The following SLC16A1 variants were observed in gnomAD, a reference collection of about 807,000 sequenced individuals.
The protein encoded by SLC16A1 is monocarboxylate transporter 1.
In SLC16A1, 11 loss-of-function variants were observed where a neutral mutation model predicts 32.2. The ratio of observed to expected loss-of-function variants is 0.34; its 90% confidence interval spans 0.21 to 0.56. SLC16A1 has a LOEUF of 0.56. Among genes scored for constraint, SLC16A1 ranks in the 20% least tolerant of loss-of-function variants. SLC16A1 has a pLI of 0.87. For synonymous variants in SLC16A1, 231 were observed against 226.8 expected (o/e 1.02, Z -0.17); for missense variants, 435 against 615.0 (o/e 0.71, Z 3.10).
intron 2 of SLC16A1, among the ~76,000 whole-genome samples, chr1:112,927,286 A>C (rs1329580372): frequency 6.6e-6 from 1 of 152,120 alleles, no homozygotes; most frequent in African/African-American, 2.4e-5. Flanking sequence ...TTATACTTTC[A>C]TGTTTAAAAA....
In SLC16A1 at chr1:112,922,094, C is replaced by T. The variant is rs1241100810; in HGVS notation, c.257G>A (p.Arg86His). Reference sequence around the variant, plus strand: ...GCAGCCACCAACAATCATGACTATACGACTTCCATATTTATTCACCAGGAT... The same window carrying T: ...GCAGCCACCAACAATCATGACTATATGACTTCCATATTTATTCACCAGGAT... ...SSILVNKYGS[R>H]IVMIVGGCLS... Residue 86 changes from arginine (R) to histidine (H), a missense_variant, in exon 3 of 5, where the codon CGT (arginine) becomes CAT (histidine). This residue lies in a region of SLC16A1 where 324 missense variants were observed against 500.3 expected (regional missense o/e 0.65). Transcript: ENST00000369626. 18 of 1,614,080 alleles carry T rather than the reference C, an allele frequency of 1.1e-5. No individual in the cohort carries two copies. Among genetic ancestry groups the T allele is most frequent in the African/African-American group, 4.0e-5 (3 of 75,034 alleles).
At chr1:112,935,069 T>TA (rs966739649) in intron 1 of SLC16A1, among the ~76,000 whole-genome samples, 9 of 151,818 alleles carry the variant, frequency 5.9e-5, no homozygotes, top group Non-Finnish European at 1.3e-4. Context: ...TGTCTTTCTC[T>TA]AAAAAAGATC....
intron 4 of SLC16A1, among the ~76,000 whole-genome samples, chr1:112,916,889 A>G (rs1473537937): frequency 2.0e-5 from 3 of 152,208 alleles, no homozygotes; most frequent in Admixed American, 1.3e-4. Context: ...AGATGGTGCC[A>G]CTGCACTCCA....
At chr1:112,931,869 A>G (rs1483720976) in intron 1 of SLC16A1, among the ~76,000 whole-genome samples, 2 of 152,022 alleles carry the variant, frequency 1.3e-5, no homozygotes, top group East Asian at 1.9e-4. Flanking sequence ...CTTCCACCCT[A>G]TATTACAACT....
At chr1:112,954,815 T>C (rs1221533477) in intron 1 of SLC16A1, among the ~76,000 whole-genome samples, 1 of 152,216 alleles carries the variant, frequency 6.6e-6, no homozygotes, top group Admixed American at 6.5e-5. Flanking sequence ...AAGTGCTAAA[T>C]ATCTTGAATT....
At chr1:112,932,492 T>C (rs1649166021) in intron 1 of SLC16A1, among the ~76,000 whole-genome samples, 1 of 151,862 alleles carries the variant, frequency 6.6e-6, no homozygotes, top group Admixed American at 6.6e-5. Flanking sequence ...ATGATCATGC[T>C]GCTGCACTCC....
At chr1:112,948,325 TATTTGC>T (rs1346692787) in intron 1 of SLC16A1, among the ~76,000 whole-genome samples, 1 of 152,138 alleles carries the variant, frequency 6.6e-6, no homozygotes, top group Non-Finnish European at 1.5e-5. Flanking sequence ...TTTGGGAAGA[TATTTGC>T]AGGCATTAAA....
intron 1 of SLC16A1, among the ~76,000 whole-genome samples, chr1:112,953,542 C>T (rs1394770599): frequency 6.6e-6 from 1 of 152,182 alleles, no homozygotes; most frequent in Non-Finnish European, 1.5e-5. Context: ...CCTTAAAAAT[C>T]CCTTTAATTT....
chr1:112,924,230 G>A, intron 2 of SLC16A1: 1 of 1,516,930 alleles, frequency 6.6e-7, no homozygotes, highest in Non-Finnish European at 9.2e-7. Flanking sequence ...GCTTGGAGCA[G>A]TTGGAGCAGA....
At chr1:112,927,778 T>G (rs976996294) in intron 2 of SLC16A1, among the ~76,000 whole-genome samples, 1 of 152,214 alleles carries the variant, frequency 6.6e-6, no homozygotes, top group East Asian at 1.9e-4. Flanking sequence ...CTAATAAAAC[T>G]GACATCACTT....
chr1:112,939,574 C>T (rs1280398763), intron 1 of SLC16A1, among the ~76,000 whole-genome samples: 1 of 152,070 alleles, frequency 6.6e-6, no homozygotes, highest in East Asian at 1.9e-4. Flanking sequence ...GGCATGATCT[C>T]GGCTCACTGC....
At chr1:112,949,216 A>C (rs958028988) in intron 1 of SLC16A1, among the ~76,000 whole-genome samples, 2 of 151,844 alleles carry the variant, frequency 1.3e-5, no homozygotes, top group Non-Finnish European at 2.9e-5. Flanking sequence ...TGCCCGGCTA[A>C]TTTTGTATTT....
chr1:112,919,236 G>T (rs111445455), intron 3 of SLC16A1, among the ~76,000 whole-genome samples: 5 of 151,740 alleles, frequency 3.3e-5, no homozygotes, highest in African/African-American at 1.2e-4. Context: ...GGGTTTCACC[G>T]TATTAGCCAG....
At chr1:112,923,525 G>A in intron 2 of SLC16A1, 1 of 1,064,600 alleles carries the variant, frequency 9.4e-7, no homozygotes, top group Non-Finnish European at 1.5e-6. Context: ...CGGCCTTCGT[G>A]TACAGCGACA....
chr1:112,932,202 G>A (rs1210247650), intron 1 of SLC16A1, among the ~76,000 whole-genome samples: 1 of 152,068 alleles, frequency 6.6e-6, no homozygotes, highest in African/African-American at 2.4e-5. Context: ...GTGCATGCAG[G>A]CAAGAAAAAG....
chr1:112,944,452 A>G (rs981690883), intron 1 of SLC16A1, among the ~76,000 whole-genome samples: 5 of 152,204 alleles, frequency 3.3e-5, no homozygotes, highest in Non-Finnish European at 5.9e-5. Flanking sequence ...AAAAAACGAA[A>G]AACAAAGCCC....
At chr1:112,948,199 C>T (rs954662991) in intron 1 of SLC16A1, among the ~76,000 whole-genome samples, 1 of 151,194 alleles carries the variant, frequency 6.6e-6, no homozygotes, top group African/African-American at 2.4e-5. Context: ...CCAGTTTGGG[C>T]AATGAGAGCG....
At chr1:112,924,787 T>C (rs1435029038) in intron 2 of SLC16A1, among the ~76,000 whole-genome samples, 2 of 152,120 alleles carry the variant, frequency 1.3e-5, no homozygotes, top group African/African-American at 4.8e-5. Context: ...CTCGGGAGGC[T>C]GAGGCGAAGA....
At chr1:112,914,807 C>A (rs1648445299) in intron 4 of SLC16A1, among the ~76,000 whole-genome samples, 1 of 152,172 alleles carries the variant, frequency 6.6e-6, no homozygotes, top group African/African-American at 2.4e-5. Context: ...TAAGCATGTG[C>A]TACAAGGATA....
Sources: gnomAD v4.1 joint callset for allele counts (sites outside exome capture counted in the v4.1 genomes callset) on GRCh38, gnomAD v4.1.1 for gene constraint, gnomAD v4.1.1 regional missense constraint, MANE v1.5 for transcripts, NCBI Gene and HGNC (gene_info 2026-07-23, HGNC 2026-07-21) for gene names.